ANHX: variants seen among roughly 807,000 people sequenced by gnomAD.
The protein encoded by ANHX is anomalous homeobox protein.
ANHX carries 20 observed loss-of-function variants against 38.9 expected under a neutral mutation model. The observed-to-expected ratio is 0.51, with a 90% CI of 0.36 to 0.75. The LOEUF (loss-of-function observed/expected upper bound fraction) is 0.75. Ranked by LOEUF, ANHX falls within the 30% of genes least tolerant of loss-of-function variation. ANHX has a pLI of 0.00. For synonymous variants in ANHX, 185 were observed against 203.1 expected (o/e 0.91, Z 0.76); for missense variants, 475 against 493.1 (o/e 0.96, Z 0.35).
Position 133,221,128 on chromosome 12 carries a change from A to C in ANHX, c.1280+77T>G. The C allele has an allele frequency of 6.7e-7, 1 of 1,491,856 alleles. No individual in the cohort carries two copies. The highest frequency in any genetic ancestry group is 8.9e-7 in the Non-Finnish European group (1 of 1,118,526). The allele number at this position is 1,491,856 out of a possible 1,614,324, so 92.4% of individuals were successfully genotyped here. A position where few individuals can be genotyped will look rare whatever the true frequency, so the allele number is the denominator to read the frequency against. On this transcript the variant is annotated intron_variant, in intron 8 of 9. Coordinates refer to ENST00000545940, the MANE Select transcript of ANHX (RefSeq NM_001372060.1). This position sits in a 1 kb window ranked among gnomAD's most constrained non-coding sequence, Gnocchi z 4.1. ...CCTATCTGCACAGTCCGGGACGGTG[A>C]GTCTATAAACTGGGCATTACCCTAT...
chr12:133,224,949 C>T lies in ANHX; in HGVS notation c.1132+587G>A, dbSNP rs1338818316. 7.6e-4 allele frequency among the ~76,000 whole-genome samples: 94 copies of T among 122,896 alleles called. 2 individuals are homozygous for T. The highest frequency in any genetic ancestry group is 3.3e-4 in the Non-Finnish European group (20 of 61,516). The allele number at this position is 122,896 out of a possible 152,430, so 80.6% of individuals were successfully genotyped here. ...GCCACTGCACTCCAGCCTGGGTGAG[C>T]AAGACTCCGTCTCAAAAAAAAAAAA... On this transcript the variant is annotated intron_variant, in intron 7 of 9. Coordinates refer to ENST00000545940, the MANE Select transcript of ANHX (RefSeq NM_001372060.1).
chr12:133,226,184 C>A, intron 6 of ANHX, 134 bp downstream of exon 6: 1 of 1,411,324 alleles, frequency 7.1e-7, no homozygotes. Flanking sequence ...TGGCTTCCCT[C>A]TCCCTGGGGT....
In ANHX at chr12:133,226,244, G is replaced by A. The variant is rs772697651; in HGVS notation, c.839+74C>T. 379 of 1,533,484 alleles carry A rather than the reference G, an allele frequency of 2.5e-4. 1 individual carries two copies. The highest frequency in any genetic ancestry group is 3.2e-4 in the Non-Finnish European group (367 of 1,144,730). 95.0% of individuals were successfully genotyped at this position (1,533,484 alleles called of 1,614,324 possible). ...CCTGTCACCCTTAGGCCTACTTCAT[G>A]CCCTAGTCTCCACCTGAGGAGGAAA... is the stretch of plus-strand genomic sequence containing the variant. On this transcript the variant is annotated intron_variant, in intron 6 of 9. Transcript: ENST00000545940.
At chr12:133,233,933 C>A (rs770960211) in intron 2 of ANHX, among the ~76,000 whole-genome samples, 175 bp downstream of exon 2, 1 of 152,192 alleles carries the variant, frequency 6.6e-6, no homozygotes, top group African/African-American at 2.4e-5. Context: ...AATGTGAGAG[C>A]GGAGTAAGGT....
At chr12:133,223,752 C>T (rs1840964713) in intron 7 of ANHX, among the ~76,000 whole-genome samples, 1 of 151,948 alleles carries the variant, frequency 6.6e-6, no homozygotes, top group Admixed American at 6.6e-5. Flanking sequence ...GGCCAGGAGA[C>T]CTTATTCTTT....
chr12:133,226,506 A>G, intron 5 of ANHX, 68 bp from the exon 6 acceptor site: 3 of 1,480,356 alleles, frequency 2.0e-6, no homozygotes, highest in Non-Finnish European at 2.7e-6. Flanking sequence ...CCCATCAGGT[A>G]TGAGCAGCCC....
chr12:133,227,163 AC>A lies in ANHX; in HGVS notation c.502-12del, dbSNP rs1566407294. 3 of 1,530,744 alleles carry A rather than the reference AC, an allele frequency of 2.0e-6. No individual in the cohort carries two copies. Among genetic ancestry groups the A allele is most frequent in the South Asian group, 2.4e-5 (2 of 83,362 alleles). The allele number at this position is 1,530,744 out of a possible 1,614,324, so 94.8% of individuals were successfully genotyped here. ...CAATGCCAAGTTCTCCTGCCCCCAAACAACAAGACTTCTAGCCCTGCTTCCA... is the reference window on the plus strand; with the variant it reads ...CAATGCCAAGTTCTCCTGCCCCCAAAAACAAGACTTCTAGCCCTGCTTCCA... On this transcript the variant is annotated splice_polypyrimidine_tract_variant and intron_variant, in intron 4 of 9. Transcript: ENST00000545940.
rs934064418 is a variant in ANHX at position 133,221,911 on chromosome 12, A to T, written c.1133-559T>A. On this transcript the variant is annotated intron_variant, in intron 7 of 9. Transcript: ENST00000545940. The surrounding 1 kb of genome is among the most constrained non-coding windows in gnomAD (Gnocchi z 4.1). ...TCAATTCTGGGTGGACATTTAGGAG[A>T]GCTGTGGCCTGAAAAGGCAGGTTTT... 6.6e-6 allele frequency among the ~76,000 whole-genome samples: 1 copy of T among 152,070 alleles called. No homozygotes were observed. Among genetic ancestry groups the T allele is most frequent in the Non-Finnish European group, 1.5e-5 (1 of 68,008 alleles).
In ANHX at chr12:133,226,336, G is replaced by A. The variant is rs918429921; in HGVS notation, c.821C>T (p.Ser274Leu). Reference protein sequence around the residue: ...APDFPADETVSKPLDVRSLPG... With the variant: ...APDFPADETVLKPLDVRSLPG... Reference sequence around the variant, plus strand: ...ACAGTACCTGACATCCAGTGGCTTTGAGACTGTCTCATCTGCGGGAAAGTC... The same window carrying A: ...ACAGTACCTGACATCCAGTGGCTTTAAGACTGTCTCATCTGCGGGAAAGTC... Residue 274 changes from serine (S) to leucine (L), a missense_variant, in exon 6 of 10, where the codon TCA (serine) becomes TTA (leucine). Transcript: ENST00000545940. The A allele has an allele frequency of 1.1e-5, 17 of 1,536,144 alleles. No individual in the cohort carries two copies. Among genetic ancestry groups the A allele is most frequent in the Non-Finnish European group, 1.4e-5 (16 of 1,146,928 alleles).
chr12:133,224,640 G>C (rs562597568), intron 7 of ANHX, among the ~76,000 whole-genome samples: 13 of 134,784 alleles, frequency 9.6e-5, no homozygotes, highest in African/African-American at 2.9e-4. Context: ...TCTAGGCTGG[G>C]TGACAGACCA....
intron 8 of ANHX, among the ~76,000 whole-genome samples, chr12:133,219,593 G>C (rs1957081119): frequency 6.6e-6 from 1 of 152,152 alleles, no homozygotes; most frequent in Non-Finnish European, 1.5e-5. Context: ...ACTGCACAGA[G>C]GGCTCAGAGC....
Position 133,221,067 on chromosome 12 carries a change from G to C in ANHX, c.1280+138C>G. Reference sequence around the variant, plus strand: ...TTCTTCATAGGTGTAGGCTTGTGGGGACTGTTACAGTTTTCAGCAATCCAA... The same window carrying C: ...TTCTTCATAGGTGTAGGCTTGTGGGCACTGTTACAGTTTTCAGCAATCCAA... On this transcript the variant is annotated intron_variant, in intron 8 of 9. Transcript: ENST00000545940. This position sits in a 1 kb window ranked among gnomAD's most constrained non-coding sequence, Gnocchi z 4.1. 1 of 1,160,104 alleles carries C rather than the reference G, an allele frequency of 8.6e-7. No homozygotes were observed. The highest frequency in any genetic ancestry group is 1.2e-6 in the Non-Finnish European group (1 of 854,696). The allele number at this position is 1,160,104 out of a possible 1,614,324, so 71.9% of individuals were successfully genotyped here.
At chr12:133,219,042 A>T in intron 9 of ANHX, 71 bp from the exon 10 acceptor site, 1 of 1,389,726 alleles carries the variant, frequency 7.2e-7, no homozygotes, top group South Asian at 1.3e-5. Context: ...CCACCTGGGC[A>T]CCTCCTGACC....
chr12:133,229,302 G>A (rs1957234482), intron 3 of ANHX, among the ~76,000 whole-genome samples: 1 of 152,158 alleles, frequency 6.6e-6, no homozygotes, highest in African/African-American at 2.4e-5. Flanking sequence ...AGGAAAAGAT[G>A]ATATATGCAC....
rs1957076166 is a variant in ANHX at position 133,219,265 on chromosome 12, C to T, written c.1365+18G>A. On this transcript the variant is annotated intron_variant, in intron 9 of 9. Transcript: ENST00000545940. ...GGAGTAAAGAGGGAATCCTTCAGTG[C>T]TCATAGGGAAGCCTCACCTGGCTGG... The T allele has an allele frequency of 2.0e-6, 3 of 1,529,166 alleles. No homozygotes were observed. The highest frequency in any genetic ancestry group is 2.6e-6 in the Non-Finnish European group (3 of 1,141,796). The allele number at this position is 1,529,166 out of a possible 1,614,324, so 94.7% of individuals were successfully genotyped here.
intron 7 of ANHX, among the ~76,000 whole-genome samples, chr12:133,224,786 A>G (rs1457922541): frequency 3.3e-5 from 5 of 150,820 alleles, no homozygotes; most frequent in South Asian, 4.2e-4. Flanking sequence ...TAACAGGGTG[A>G]AACCCCGTCT....
chr12:133,221,159 G>T lies in ANHX; in HGVS notation c.1280+46C>A. The T allele has an allele frequency of 6.5e-7, 1 of 1,531,102 alleles. No homozygotes were observed. The highest frequency in any genetic ancestry group is 8.7e-7 in the Non-Finnish European group (1 of 1,143,814). 94.8% of individuals were successfully genotyped at this position (1,531,102 alleles called of 1,614,324 possible). On this transcript the variant is annotated intron_variant, in intron 8 of 9. Coordinates refer to ENST00000545940, the MANE Select transcript of ANHX (RefSeq NM_001372060.1). The surrounding 1 kb of genome is among the most constrained non-coding windows in gnomAD (Gnocchi z 4.1). Reference sequence around the variant, plus strand: ...TAAACTGGGCATTACCCTATCTTGTGGCCTGTGGAAAGGACTGTCCAGGCC... The same window carrying T: ...TAAACTGGGCATTACCCTATCTTGTTGCCTGTGGAAAGGACTGTCCAGGCC...
At position 133,226,300 on chromosome 12, in the gene ANHX, C is replaced by T; in HGVS notation, c.839+18G>A. The T allele has an allele frequency of 1.3e-6, 2 of 1,536,236 alleles. No homozygotes were observed. Among genetic ancestry groups the T allele is most frequent in the South Asian group, 1.2e-5 (1 of 84,058 alleles). On this transcript the variant is annotated intron_variant, in intron 6 of 9. Coordinates refer to ENST00000545940, the MANE Select transcript of ANHX (RefSeq NM_001372060.1). ...CTGAATAGGTGAGATGATTCCATGG[C>T]CATGGAGATGACAGTACCTGACATC...
At chr12:133,233,383 A>T (rs1334093682) in intron 2 of ANHX, among the ~76,000 whole-genome samples, 1 of 152,192 alleles carries the variant, frequency 6.6e-6, no homozygotes, top group African/African-American at 2.4e-5. Flanking sequence ...CTCACAATGA[A>T]TTATGTATGG....
Sources: gnomAD v4.1 joint callset for allele counts (sites outside exome capture counted in the v4.1 genomes callset) on GRCh38, gnomAD v4.1.1 for gene constraint, Gnocchi (gnomAD v3.1) non-coding constraint, MANE v1.5 for transcripts, NCBI Gene and HGNC (gene_info 2026-07-23, HGNC 2026-07-21) for gene names.